Variants in COQ2 observed in about 807,000 individuals in gnomAD.
COQ2 encodes coenzyme Q2, polyprenyltransferase.
A neutral mutation model predicts 35.7 loss-of-function variants in COQ2; 25 were observed. The ratio of observed to expected loss-of-function variants is 0.70; its 90% CI spans 0.51 to 0.98. COQ2 has a LOEUF of 0.98. Ranked by LOEUF, COQ2 falls within the 50% of genes least tolerant of loss-of-function variation. The pLI, the probability that COQ2 is intolerant of heterozygous loss-of-function variation, is 0.00. For missense variants in COQ2, 488 were observed against 473.5 expected (o/e 1.03, Z -0.28); for synonymous variants, 206 against 186.2 (o/e 1.11, Z -0.86).
intron 2 of COQ2, among the ~76,000 whole-genome samples, chr4:83,276,497 T>C (rs1386045119): frequency 6.6e-6 from 1 of 152,146 alleles, no homozygotes; most frequent in Non-Finnish European, 1.5e-5. Context: ...AAAACCACAA[T>C]GAGATACCAT....
intron 1 of COQ2, among the ~76,000 whole-genome samples, chr4:83,280,386 A>T (rs1735293776): frequency 6.6e-6 from 1 of 152,374 alleles, no homozygotes; most frequent in South Asian, 2.1e-4. Context: ...TCAGATCCTG[A>T]AGAAAAATGG....
At chr4:83,270,036 C>T (rs777531990) in intron 4 of COQ2, 43 bp from the exon 5 acceptor site, 1 of 1,600,318 alleles carries the variant, frequency 6.2e-7, no homozygotes. Context: ...TCTGTATGTA[C>T]TTTAGAATCC....
chr4:83,273,534 G>C lies in COQ2; in HGVS notation c.504C>G (p.Thr168=). 6.2e-7 allele frequency: 1 copy of C among 1,613,630 alleles called. No homozygotes were observed. Among genetic ancestry groups the C allele is most frequent in the South Asian group, 1.1e-5 (1 of 91,066 alleles). The part of the protein sequence containing the change: ...QSFVFLGGQL[T]LALGVLLCLN... ...GACACAGAAGAACACCCAGTGCCAGGGTTAGCTGTCCCCCAAGAAAAACAA... is the reference window on the plus strand; with the variant it reads ...GACACAGAAGAACACCCAGTGCCAGCGTTAGCTGTCCCCCAAGAAAAACAA... Residue 168 remains threonine (T), a synonymous_variant, in exon 3 of 7, where the codon ACC becomes ACG. Coordinates refer to ENST00000647002, the MANE Select transcript of COQ2 (RefSeq NM_001358921.2).
upstream of COQ2, chr4:83,284,814 G>A (rs1293970172): frequency 1.9e-6 from 3 of 1,567,776 alleles, no homozygotes; most frequent in African/African-American, 1.4e-5. Context: ...TCCCCGGCAG[G>A]CATGCGCAGT....
intron 6 of COQ2, chr4:83,266,854 G>A (rs1365439447): frequency 4.1e-6 from 1 of 245,176 alleles, no homozygotes; most frequent in Non-Finnish European, 8.2e-6. Flanking sequence ...ATCTGTCCTT[G>A]GTCTTTATGC....
intron 1 of COQ2, chr4:83,283,230 G>C (rs780462586): frequency 2.0e-6 from 2 of 978,598 alleles, no homozygotes; most frequent in African/African-American, 3.5e-5. Context: ...GGTCTTGTAC[G>C]GGCAAAAGTG....
At chr4:83,267,519 A>G in intron 6 of COQ2, 67 bp downstream of exon 6, 1 of 1,399,870 alleles carries the variant, frequency 7.1e-7, no homozygotes, top group South Asian at 1.4e-5. Context: ...CAGAGGGCAT[A>G]CTGTTTAAAT....
chr4:83,282,510 C>T, intron 1 of COQ2: 1 of 478,028 alleles, frequency 2.1e-6, no homozygotes, highest in Non-Finnish European at 2.7e-6. Flanking sequence ...ATTTAGTTTT[C>T]TGAAAAATCC....
Position 83,279,512 on chromosome 4 carries a change from G to A in COQ2, c.254-398C>T, listed in dbSNP as rs887112027. ...TTGAATACTCTTATGTATTTCTAAT[G>A]AGGTTACAAAATGGCCCTACCTTTG... On this transcript the variant is annotated intron_variant, in intron 1 of 6. Coordinates refer to ENST00000647002, the MANE Select transcript of COQ2 (RefSeq NM_001358921.2). Among the ~76,000 whole-genome samples, 4 of 152,074 alleles carry A rather than the reference G, an allele frequency of 2.6e-5. No individual in the cohort carries two copies. In the East Asian group the frequency reaches 5.8e-4, roughly 22 times the overall value.
At chr4:83,270,294 T>A (rs180922948) in intron 4 of COQ2, among the ~76,000 whole-genome samples, 1 of 152,298 alleles carries the variant, frequency 6.6e-6, no homozygotes, top group East Asian at 1.9e-4. Flanking sequence ...TCCCACCTAA[T>A]ATGGTGCACG....
intron 6 of COQ2, among the ~76,000 whole-genome samples, chr4:83,265,064 C>T (rs992846413): frequency 3.3e-5 from 5 of 152,186 alleles, no homozygotes; most frequent in African/African-American, 1.2e-4. Flanking sequence ...AGCTAGAGAC[C>T]TAAATCTGTT....
intron 6 of COQ2, chr4:83,266,708 C>T (rs1734927581): frequency 6.5e-6 from 1 of 154,996 alleles, no homozygotes; most frequent in Non-Finnish European, 1.4e-5. Flanking sequence ...TTAGTTCATT[C>T]ATTTACAAGT....
At chr4:83,284,262 CGACTGCGTGTCCT>C in intron 1 of COQ2, 1 of 985,428 alleles carries the variant, frequency 1.0e-6, no homozygotes, top group Non-Finnish European at 1.2e-6. Context: ...GAGACTGTCC[CGACTGCGTGTCCT>C]GAGGTGACTC....
In COQ2 at chr4:83,282,599, C is replaced by G. The variant is rs1347853095; in HGVS notation, c.253+1913G>C. ...ATACACAATCTGTAAGTACAATTTT[C>G]TCCATTCCCCACTTCTAAGATAATA... On this transcript the variant is annotated intron_variant, in intron 1 of 6. Transcript: ENST00000647002. 3.4e-6 allele frequency: 3 copies of G among 887,112 alleles called. No homozygotes were observed. In the African/African-American group the frequency reaches 5.4e-5, roughly 16 times the overall value. The allele number at this position is 887,112 out of a possible 1,614,324, so 55.0% of individuals were successfully genotyped here. A position where few individuals can be genotyped will look rare whatever the true frequency, so the allele number is the denominator to read the frequency against.
intron 1 of COQ2, among the ~76,000 whole-genome samples, chr4:83,280,939 C>T (rs1475950549): frequency 1.3e-5 from 2 of 152,188 alleles, no homozygotes; most frequent in Non-Finnish European, 2.9e-5. Flanking sequence ...TCAATGACAT[C>T]TTTATATTAA....
At chr4:83,274,056 T>C (rs1003058728) in intron 2 of COQ2, among the ~76,000 whole-genome samples, 6 of 150,282 alleles carry the variant, frequency 4.0e-5, no homozygotes, top group Non-Finnish European at 8.9e-5. Flanking sequence ...TTGGGGAGGC[T>C]GAGGTAGGAG....
chr4:83,279,050 A>T lies in COQ2; in HGVS notation c.318T>A (p.Phe106Leu). ...SIGLAAEPGC[F>L]PDWYMLSLFG... is the part of the protein sequence containing the mutation. Reference sequence around the variant, plus strand: ...AGAGGGAGAGCATGTACCAATCTGGAAAACAACCTGGTTCAGCTGCCAAAC... The same window carrying T: ...AGAGGGAGAGCATGTACCAATCTGGTAAACAACCTGGTTCAGCTGCCAAAC... Residue 106 changes from phenylalanine to leucine, a missense_variant, in exon 2 of 7, where the codon TTT (phenylalanine) becomes TTA (leucine). Phe to Leu is a conservative substitution (Grantham distance 22, BLOSUM62 0). Transcript: ENST00000647002. 6.2e-7 allele frequency: 1 copy of T among 1,600,796 alleles called. No homozygotes were observed. The highest frequency in any genetic ancestry group is 8.5e-7 in the Non-Finnish European group (1 of 1,173,428).
chr4:83,269,662 A>G (rs979696469), intron 5 of COQ2, among the ~76,000 whole-genome samples, 198 bp downstream of exon 5: 1 of 152,190 alleles, frequency 6.6e-6, no homozygotes, highest in African/African-American at 2.4e-5. Context: ...ACACACATAA[A>G]CATAAAAAAA....
At chr4:83,270,659 C>T (rs1214452146) in intron 4 of COQ2, among the ~76,000 whole-genome samples, 1 of 152,092 alleles carries the variant, frequency 6.6e-6, no homozygotes, top group Non-Finnish European at 1.5e-5. Flanking sequence ...TACCTATTTC[C>T]ACTCATGTCC....
Sources: allele counts gnomAD v4.1 joint callset (sites outside exome capture counted in the v4.1 genomes callset), GRCh38; gene constraint gnomAD v4.1.1; transcripts MANE v1.5; gene names NCBI Gene and HGNC (gene_info 2026-07-23, HGNC 2026-07-21).